CHD6: variants seen among roughly 807,000 people sequenced by gnomAD.
CHD6 encodes chromodomain helicase DNA binding protein 6.
CHD6 carries 50 observed loss-of-function variants against 276.9 expected under a neutral mutation model. The ratio of observed to expected loss-of-function variants is 0.18; its 90% CI spans 0.14 to 0.23. CHD6 has a LOEUF of 0.23. Ranked by LOEUF, CHD6 falls within the 10% of genes least tolerant of loss-of-function variation. CHD6 has a pLI of 1.00. For synonymous variants in CHD6, 1,173 were observed against 1,229.3 expected (o/e 0.95, Z 0.96); for missense variants, 2,564 against 3,365.8 (o/e 0.76, Z 5.89).
At chr20:41,408,408 G>A (rs1041778762) in intron 36 of CHD6, among the ~76,000 whole-genome samples, 2 of 152,204 alleles carry the variant, frequency 1.3e-5, no homozygotes, top group African/African-American at 2.4e-5. Flanking sequence ...GATCACTGGG[G>A]ACGCAATTCC....
At chr20:41,498,811 ATGTGTGTGTGTGTGTG>A (rs71193638) in intron 6 of CHD6, among the ~76,000 whole-genome samples, 6 of 86,608 alleles carry the variant, frequency 6.9e-5, no homozygotes, top group Admixed American at 2.5e-4. Context: ...GTATGTATGT[ATGTGTGTGTGTGTGTG>A]TGTGTGTGTG....
chr20:41,476,434 G>A (rs2043169251), intron 16 of CHD6, among the ~76,000 whole-genome samples: 1 of 151,918 alleles, frequency 6.6e-6, no homozygotes, highest in African/African-American at 2.4e-5. Flanking sequence ...GGCCTGAAGG[G>A]AAATGAACAA....
intron 36 of CHD6, among the ~76,000 whole-genome samples, chr20:41,408,696 A>C (rs1374216781): frequency 6.6e-6 from 1 of 152,098 alleles, no homozygotes; most frequent in African/African-American, 2.4e-5. Context: ...GATACTGGGG[A>C]GTGTCTTTCC....
chr20:41,412,835 G>A (rs1056701797), intron 35 of CHD6, among the ~76,000 whole-genome samples: 1 of 152,166 alleles, frequency 6.6e-6, no homozygotes, highest in Non-Finnish European at 1.5e-5. Context: ...GACTTGAAGG[G>A]AATGTCCTAA....
chr20:41,425,341 T>C lies in CHD6; in HGVS notation c.4183A>G (p.Thr1395Ala). 1 of 1,614,176 alleles carries C rather than the reference T, an allele frequency of 6.2e-7. No individual in the cohort carries two copies. Among genetic ancestry groups the C allele is most frequent in the Non-Finnish European group, 8.5e-7 (1 of 1,180,020 alleles). The change falls in exon 29 of 37, where the codon ACA (threonine) becomes GCA (alanine). Residue 1395 changes from threonine (T) to alanine (A), a missense_variant. By Grantham distance (58) the Thr-to-Ala change is moderately conservative. Around this residue, in one of 7 missense-constraint regions of CHD6, gnomAD observed 515 missense variants for 739.5 expected, o/e 0.70. Coordinates refer to ENST00000373233, the MANE Select transcript of CHD6 (RefSeq NM_032221.5). ...KSPWPVSSAL[T>A]ARLRRLVTVY... ...GTGACCAGACGTCTGAGACGAGCTGTGAGGGCGGAGGAAACTGGCCAGGGC... is the reference window on the plus strand; with the variant it reads ...GTGACCAGACGTCTGAGACGAGCTGCGAGGGCGGAGGAAACTGGCCAGGGC...
intron 36 of CHD6, 147 bp downstream of exon 36, chr20:41,411,997 A>AT (rs2046854089): frequency 8.6e-7 from 1 of 1,167,562 alleles, no homozygotes; most frequent in Non-Finnish European, 1.2e-6. Context: ...CTTGCTGCTA[A>AT]TCAACTTCCT....
chr20:41,603,002 TAGAGA>T (rs1465769008), intron 1 of CHD6, among the ~76,000 whole-genome samples: 1 of 152,060 alleles, frequency 6.6e-6, no homozygotes, highest in Admixed American at 6.5e-5. Context: ...TTTAAAAGAT[TAGAGA>T]ATAGAAAATC....
chr20:41,522,790 G>C (rs1403791042), intron 3 of CHD6, among the ~76,000 whole-genome samples: 5 of 152,022 alleles, frequency 3.3e-5, no homozygotes, highest in Admixed American at 6.6e-5. Flanking sequence ...ACTGTGTTTG[G>C]CATCTTTTCT....
intron 16 of CHD6, among the ~76,000 whole-genome samples, chr20:41,480,339 G>T (rs2043266059): frequency 1.3e-5 from 2 of 152,190 alleles, no homozygotes; most frequent in Non-Finnish European, 2.9e-5. Context: ...CATAACCAGA[G>T]ATTTAGACAA....
At chr20:41,579,399 CTG>C (rs1377744598) in intron 1 of CHD6, among the ~76,000 whole-genome samples, 2 of 146,350 alleles carry the variant, frequency 1.4e-5, no homozygotes, top group Non-Finnish European at 3.0e-5. Flanking sequence ...GATCACAACA[CTG>C]TACTCCTGCC....
At chr20:41,505,618 TA>T (rs986114429) in intron 5 of CHD6, among the ~76,000 whole-genome samples, 2 of 152,224 alleles carry the variant, frequency 1.3e-5, no homozygotes, top group African/African-American at 4.8e-5. Flanking sequence ...TTGATGCCTT[TA>T]AAAAGAGCTT....
At chr20:41,505,743 T>C (rs1360379761) in intron 5 of CHD6, among the ~76,000 whole-genome samples, 1 of 152,190 alleles carries the variant, frequency 6.6e-6, no homozygotes. Flanking sequence ...CTTGGTGATC[T>C]CACTCAGTCT....
intron 1 of CHD6, among the ~76,000 whole-genome samples, chr20:41,581,147 C>T (rs558702463): frequency 2.0e-4 from 30 of 152,306 alleles, no homozygotes; most frequent in African/African-American, 7.2e-4. Context: ...AGGTAGAATG[C>T]AGCAGCTAAC....
chr20:41,504,073 GTC>G (rs2043909135), intron 5 of CHD6, among the ~76,000 whole-genome samples: 2 of 54,866 alleles, frequency 3.6e-5, no homozygotes, highest in Admixed American at 5.6e-4. Flanking sequence ...GTGAGACTCT[GTC>G]TCAAAAAAAA....
At chr20:41,567,572 G>A (rs569199132) in intron 1 of CHD6, among the ~76,000 whole-genome samples, 143 of 151,992 alleles carry the variant, frequency 9.4e-4, no homozygotes, top group Admixed American at 3.2e-3. Context: ...GTATCAGTGT[G>A]CACGTCCATG....
At chr20:41,592,043 G>A (rs1328797986) in intron 1 of CHD6, among the ~76,000 whole-genome samples, 4 of 151,572 alleles carry the variant, frequency 2.6e-5, no homozygotes, top group Admixed American at 2.6e-4. Flanking sequence ...AGCTTGTAGT[G>A]AGCCGAGATC....
intron 5 of CHD6, among the ~76,000 whole-genome samples, chr20:41,502,170 C>T (rs1206232701): frequency 2.6e-5 from 4 of 151,962 alleles, no homozygotes; most frequent in Non-Finnish European, 4.4e-5. Flanking sequence ...TTTTTGTGTG[C>T]TGTTTAAGAA....
intron 5 of CHD6, among the ~76,000 whole-genome samples, chr20:41,509,417 C>T (rs996971754): frequency 2.6e-5 from 4 of 152,018 alleles, no homozygotes; most frequent in Non-Finnish European, 4.4e-5. Flanking sequence ...GGCAGGTGTT[C>T]GAAGGACAAT....
chr20:41,456,644 A>G (rs2048385388), intron 18 of CHD6, among the ~76,000 whole-genome samples: 1 of 152,204 alleles, frequency 6.6e-6, no homozygotes, highest in African/African-American at 2.4e-5. Flanking sequence ...AAGACAACTC[A>G]TTTAGAAGGT....
Sources: gnomAD v4.1 joint callset for allele counts (sites outside exome capture counted in the v4.1 genomes callset) on GRCh38, gnomAD v4.1.1 for gene constraint, gnomAD v4.1.1 regional missense constraint, MANE v1.5 for transcripts, NCBI Gene and HGNC (gene_info 2026-07-23, HGNC 2026-07-21) for gene names.